The following CUL5 variants were observed in gnomAD, a reference collection of about 807,000 sequenced individuals.
CUL5 encodes the protein cullin-5.
Under a neutral mutation model 108.8 loss-of-function variants are expected in CUL5, and 26 were observed. That is an observed-to-expected ratio of 0.24 (90% CI 0.18 to 0.33). The LOEUF is 0.33. Ranked by LOEUF, CUL5 falls within the 10% of genes least tolerant of loss-of-function variation. The pLI, the probability that CUL5 is intolerant of heterozygous loss-of-function variation, is 1.00. For synonymous variants in CUL5, 334 were observed against 298.0 expected (o/e 1.12, Z -1.25); for missense variants, 524 against 909.2 (o/e 0.58, Z 5.45).
chr11:108,023,458 C>A (rs148761181), intron 1 of CUL5, among the ~76,000 whole-genome samples: 1 of 151,706 alleles, frequency 6.6e-6, no homozygotes. Context: ...TTTTTAAAAA[C>A]GAAAACAAAA....
At position 108,025,057 on chromosome 11, in the gene CUL5, AT is replaced by A. The variant is rs1389890336; in HGVS notation, c.25-8740del. The stretch of plus-strand genomic sequence containing the variant: ...TTATCAAATTAGAAAACATTTTTGC[AT>A]TTTTCTTCAAATACTCTCTACACCC... On this transcript the variant is annotated intron_variant, in intron 1 of 18. Transcript: ENST00000393094. 3.3e-5 allele frequency among the ~76,000 whole-genome samples: 5 copies of A among 152,204 alleles called. No homozygotes were observed. The East Asian group carries it at 9.6e-4, about 29-fold the overall frequency.
intron 5 of CUL5, among the ~76,000 whole-genome samples, chr11:108,054,132 C>T (rs1397524859): frequency 6.6e-6 from 1 of 152,160 alleles, no homozygotes; most frequent in East Asian, 1.9e-4. Flanking sequence ...AAGTGTGAGC[C>T]ATTGTGTGCA....
chr11:108,017,362 A>G (rs1023545633), intron 1 of CUL5, among the ~76,000 whole-genome samples: 1 of 142,244 alleles, frequency 7.0e-6, no homozygotes, highest in African/African-American at 2.6e-5. Context: ...TGCACTCCAG[A>G]CTGGGCGACA....
chr11:108,029,884 T>G (rs886374065), intron 1 of CUL5, among the ~76,000 whole-genome samples: 3 of 152,206 alleles, frequency 2.0e-5, no homozygotes, highest in Non-Finnish European at 4.4e-5. Flanking sequence ...ACCTTTTATT[T>G]TTAATTGCAG....
chr11:108,074,617 C>A (rs1863903422), intron 10 of CUL5, among the ~76,000 whole-genome samples: 1 of 151,878 alleles, frequency 6.6e-6, no homozygotes, highest in Non-Finnish European at 1.5e-5. Flanking sequence ...TCAGCCTGAT[C>A]AACATGGAGA....
At chr11:108,054,429 A>AG (rs1222677514) in intron 5 of CUL5, among the ~76,000 whole-genome samples, 1 of 152,214 alleles carries the variant, frequency 6.6e-6, no homozygotes, top group Non-Finnish European at 1.5e-5. Context: ...ATGCAAAAAT[A>AG]GTCTATATTA....
intron 7 of CUL5, among the ~76,000 whole-genome samples, chr11:108,057,586 A>G (rs1438137147): frequency 6.6e-6 from 1 of 152,200 alleles, no homozygotes; most frequent in Non-Finnish European, 1.5e-5. Context: ...TCGCAAATTG[A>G]TAGCCTACAA....
intron 7 of CUL5, among the ~76,000 whole-genome samples, chr11:108,059,549 G>C (rs1050510738): frequency 1.3e-5 from 2 of 152,124 alleles, no homozygotes; most frequent in Non-Finnish European, 2.9e-5. Flanking sequence ...GTTTTGGCAA[G>C]TTATTCAACC....
At chr11:108,027,177 G>A (rs537551014) in intron 1 of CUL5, among the ~76,000 whole-genome samples, 71 of 151,292 alleles carry the variant, frequency 4.7e-4, no homozygotes, top group South Asian at 2.3e-3. Context: ...TGTCGCTGTC[G>A]CCTAGGCTGG....
At chr11:108,089,450 A>AAGAGTATATAAG (rs1440682408) in intron 12 of CUL5, 42 bp from the exon 13 acceptor site, 1 of 1,434,452 alleles carries the variant, frequency 7.0e-7, no homozygotes, top group Non-Finnish European at 9.4e-7. Flanking sequence ...GAGAGATGGT[A>AAGAGTATATAAG]AGAGTATATA....
rs372123019 is a variant in CUL5 at position 108,035,038 on chromosome 11, G to GGT, written c.134+1136_134+1137dup. Among the ~76,000 whole-genome samples the GGT allele has an allele frequency of 2.2e-3, 328 of 152,178 alleles. 1 individual carries two copies. Among genetic ancestry groups the GGT allele is most frequent in the African/African-American group, 7.6e-3 (316 of 41,508 alleles). ...TTTAATAACCAGACTGACTTACTGA[G>GGT]GTGTGTGTGTACCAGGAGGGGTGAC... On this transcript the variant is annotated intron_variant, in intron 2 of 18. Coordinates refer to ENST00000393094, the MANE Select transcript of CUL5 (RefSeq NM_003478.6).
At chr11:108,015,953 TCA>T (rs1565482419) in intron 1 of CUL5, among the ~76,000 whole-genome samples, 1 of 152,098 alleles carries the variant, frequency 6.6e-6, no homozygotes, top group African/African-American at 2.4e-5. Flanking sequence ...AGAGGAGGTC[TCA>T]CTCTCACACA....
chr11:108,026,613 G>A (rs112356991), intron 1 of CUL5, among the ~76,000 whole-genome samples: 2,172 of 152,182 alleles, frequency 0.014, 25 homozygotes, highest in Admixed American at 0.026. Context: ...TTCACTAGCA[G>A]TTTCTCTCCC....
rs532956938 is a variant in CUL5, at chr11:108,060,559, G to A, written c.780+5604G>A. 2.0e-5 allele frequency among the ~76,000 whole-genome samples: 3 copies of A among 152,260 alleles called. No homozygotes were observed. In the South Asian group the frequency reaches 6.2e-4, roughly 32 times the overall value. ...TACCACTAAAAGAAGAATCTGGCTGGATGCCGTGGCCCACGCCTCTAATCC... is the reference window on the plus strand; with the variant it reads ...TACCACTAAAAGAAGAATCTGGCTGAATGCCGTGGCCCACGCCTCTAATCC... On this transcript the variant is annotated intron_variant, in intron 7 of 18. Transcript: ENST00000393094.
intron 1 of CUL5, among the ~76,000 whole-genome samples, chr11:108,019,283 G>A (rs1278501666): frequency 6.6e-6 from 1 of 152,040 alleles, no homozygotes; most frequent in African/African-American, 2.4e-5. Flanking sequence ...GATTCTTTTG[G>A]TTAGTGGGGA....
intron 1 of CUL5, among the ~76,000 whole-genome samples, chr11:108,026,476 G>A (rs143133508): frequency 3.9e-5 from 6 of 151,996 alleles, no homozygotes; most frequent in African/African-American, 9.7e-5. Context: ...TCTCAGAGTC[G>A]TACGACATCT....
At chr11:108,020,912 AG>A (rs1342470375) in intron 1 of CUL5, among the ~76,000 whole-genome samples, 3 of 152,174 alleles carry the variant, frequency 2.0e-5, no homozygotes, top group African/African-American at 7.2e-5. Context: ...AGCATCTTCC[AG>A]TCCTGCAGGC....
At position 108,063,698 on chromosome 11, in the gene CUL5, CATCT is replaced by C. The variant is rs369202742; in HGVS notation, c.781-6393_781-6390del. 4.4e-4 allele frequency among the ~76,000 whole-genome samples: 66 copies of C among 151,174 alleles called. No homozygotes were observed. In the East Asian group the frequency reaches 9.9e-3, roughly 23 times the overall value. On this transcript the variant is annotated intron_variant, in intron 7 of 18. Transcript: ENST00000393094. Reference sequence around the variant, plus strand: ...TAGTGCTGCAGTAAACGTGGAAGTGCATCTATCTCTTCCTTTCTTCCTATGCTCA... The same window carrying C: ...TAGTGCTGCAGTAAACGTGGAAGTGCATCTCTTCCTTTCTTCCTATGCTCA...
At chr11:108,010,241 A>G (rs1422284710) in intron 1 of CUL5, among the ~76,000 whole-genome samples, 1 of 152,240 alleles carries the variant, frequency 6.6e-6, no homozygotes, top group African/African-American at 2.4e-5. Context: ...AGGGAACATA[A>G]TATTAATGGC....
Sources: allele counts gnomAD v4.1 joint callset (sites outside exome capture counted in the v4.1 genomes callset), GRCh38; gene constraint gnomAD v4.1.1; transcripts MANE v1.5; gene names NCBI Gene and HGNC (gene_info 2026-07-23, HGNC 2026-07-21).